The following TRABD2B variants were observed in gnomAD, a reference collection of about 807,000 sequenced individuals.
TRABD2B encodes TraB domain containing 2B, also known as metalloprotease TIKI2.
A neutral mutation model predicts 40.1 loss-of-function variants in TRABD2B; 14 were observed. The observed-to-expected ratio is 0.35, with a 90% confidence interval of 0.23 to 0.55. The LOEUF is 0.55. TRABD2B is among the 20% of genes least tolerant of loss of function. TRABD2B has a pLI of 0.90. For synonymous variants in TRABD2B, 263 were observed against 277.0 expected, an observed-to-expected ratio of 0.95 and a Z score of 0.50; for missense variants, 541 against 648.6, an observed-to-expected ratio of 0.83 and a Z score of 1.80.
intron 2 of TRABD2B, among the ~76,000 whole-genome samples, chr1:47,939,523 T>A (rs1178139446): frequency 6.6e-6 from 1 of 152,170 alleles, no homozygotes; most frequent in Non-Finnish European, 1.5e-5. Flanking sequence ...TCTGTCTGAG[T>A]TCTCTTTTAG....
Position 47,765,838 on chromosome 1 carries a change from C to T in TRABD2B, c.*64G>A, listed in dbSNP as rs1247521737. On this transcript the variant is annotated 3_prime_UTR_variant, in exon 7 of 7. Coordinates refer to ENST00000606738, the MANE Select transcript of TRABD2B (RefSeq NM_001194986.2). ...CACCCCCTGGAGGTGGTGGCAGGAG[C>T]AGTTGGGTGTGGCCGAAGACCCCTG... is the stretch of plus-strand genomic sequence containing the variant. 2.8e-6 allele frequency: 2 copies of T among 702,690 alleles called. No individual in the cohort carries two copies. Among genetic ancestry groups the T allele is most frequent in the Non-Finnish European group, 5.2e-6 (2 of 384,926 alleles). 43.5% of individuals were successfully genotyped at this position (702,690 alleles called of 1,614,324 possible). A position where few individuals can be genotyped will look rare whatever the true frequency, so the allele number is the denominator to read the frequency against.
intron 2 of TRABD2B, among the ~76,000 whole-genome samples, chr1:47,816,923 T>C (rs1372168786): frequency 6.6e-6 from 1 of 152,182 alleles, no homozygotes; most frequent in Non-Finnish European, 1.5e-5. Flanking sequence ...GGTGGATGAA[T>C]GAAAATAGTC....
Position 47,765,528 on chromosome 1 carries a change from G to A in TRABD2B, c.*374C>T. On this transcript the variant is annotated 3_prime_UTR_variant, in exon 7 of 7. Coordinates refer to ENST00000606738, the MANE Select transcript of TRABD2B (RefSeq NM_001194986.2). ...CCCAGGAGGCTTCGGTGATCCAAGA[G>A]CAAGCCAGTCCAGAGCCACAGTCCA... The A allele has an allele frequency of 4.7e-6, 1 of 211,816 alleles. No homozygotes were observed. The highest frequency in any genetic ancestry group is 7.5e-5 in the South Asian group (1 of 13,342). The allele number at this position is 211,816 out of a possible 1,614,324, so 13.1% of individuals were successfully genotyped here. A position where few individuals can be genotyped will look rare whatever the true frequency, so the allele number is the denominator to read the frequency against.
At chr1:47,777,800 C>T (rs1007762425) in intron 5 of TRABD2B, among the ~76,000 whole-genome samples, 4 of 152,162 alleles carry the variant, frequency 2.6e-5, no homozygotes, top group African/African-American at 7.2e-5. Flanking sequence ...GCCTGGCTCT[C>T]GCTGACACCT....
chr1:47,887,674 G>A (rs1221851932), intron 2 of TRABD2B, among the ~76,000 whole-genome samples: 2 of 152,212 alleles, frequency 1.3e-5, no homozygotes, highest in African/African-American at 4.8e-5. Flanking sequence ...AGTGCAAACA[G>A]TGTTGCTGCA....
chr1:47,897,947 C>T lies in TRABD2B; in HGVS notation c.666+96087G>A, dbSNP rs1003219765. On this transcript the variant is annotated intron_variant, in intron 2 of 6. Coordinates refer to ENST00000606738, the MANE Select transcript of TRABD2B (RefSeq NM_001194986.2). The stretch of plus-strand genomic sequence containing the variant: ...AGAAGTGTTAGCTATTTACCTGATA[C>T]AAGAAAAAAATAACTGGAAGTTACT... Among the ~76,000 whole-genome samples, 7 of 152,110 alleles carry T rather than the reference C, an allele frequency of 4.6e-5. No individual in the cohort carries two copies. The South Asian group carries it at 1.0e-3, about 23-fold the overall frequency.
chr1:47,828,591 C>A (rs755939068), intron 2 of TRABD2B, among the ~76,000 whole-genome samples: 25 of 152,172 alleles, frequency 1.6e-4, no homozygotes, highest in Non-Finnish European at 2.9e-4. Flanking sequence ...CAGAGCATGC[C>A]GAGGCCAGAG....
chr1:47,937,491 ATCAC>A (rs1645128821), intron 2 of TRABD2B, among the ~76,000 whole-genome samples: 1 of 152,182 alleles, frequency 6.6e-6, no homozygotes, highest in Non-Finnish European at 1.5e-5. Flanking sequence ...CACCATCATC[ATCAC>A]TATCATTGTC....
chr1:47,903,703 T>C (rs867594934), intron 2 of TRABD2B, among the ~76,000 whole-genome samples: 13 of 152,272 alleles, frequency 8.5e-5, no homozygotes, highest in Middle Eastern at 3.4e-3. Context: ...TGAACCCAGA[T>C]TGCAGGCAGG....
At chr1:47,879,016 AATC>A (rs1172671084) in intron 2 of TRABD2B, among the ~76,000 whole-genome samples, 1 of 151,864 alleles carries the variant, frequency 6.6e-6, no homozygotes, top group Non-Finnish European at 1.5e-5. Flanking sequence ...GAGGTGGGAC[AATC>A]ACCTGAGCCC....
Position 47,801,515 on chromosome 1 carries a change from G to A in TRABD2B, c.771C>T (p.Cys257=), listed in dbSNP as rs903093385. The change falls in exon 3 of 7, where the codon TGC becomes TGT. Residue 257 remains cysteine, a synonymous_variant. Coordinates refer to ENST00000606738, the MANE Select transcript of TRABD2B (RefSeq NM_001194986.2). ...TTEDLIKHYN[C]GDLSAVIFNH... ...TGAAGATGACTGCGCTGAGGTCTCC[G>A]CAGTTGTAGTGCTTGATGAGGTCCT... 17 of 1,535,962 alleles carry A rather than the reference G, an allele frequency of 1.1e-5. No homozygotes were observed. The highest frequency in any genetic ancestry group is 1.7e-4 in the Middle Eastern group (1 of 6,012).
At chr1:47,989,194 T>C (rs1257591406) in intron 2 of TRABD2B, among the ~76,000 whole-genome samples, 1 of 152,268 alleles carries the variant, frequency 6.6e-6, no homozygotes, top group African/African-American at 2.4e-5. Flanking sequence ...CTGTTGTTTA[T>C]AAATTACCCA....
intron 3 of TRABD2B, among the ~76,000 whole-genome samples, chr1:47,799,499 C>T (rs1404076903): frequency 3.3e-5 from 5 of 152,206 alleles, no homozygotes; most frequent in African/African-American, 1.2e-4. Flanking sequence ...CTCTATGCTG[C>T]TGCAAGGATG....
rs113981643 is a variant in TRABD2B, at chr1:47,934,478, T to C, written c.666+59556A>G. On this transcript the variant is annotated intron_variant, in intron 2 of 6. Coordinates refer to ENST00000606738, the MANE Select transcript of TRABD2B (RefSeq NM_001194986.2). Reference sequence around the variant, plus strand: ...GCTGAGTGTGGTGAGGCAGGAGGCCTTGGCTGCCAGCGGGAGGGGCAGGCG... The same window carrying C: ...GCTGAGTGTGGTGAGGCAGGAGGCCCTGGCTGCCAGCGGGAGGGGCAGGCG... Among the ~76,000 whole-genome samples, 796 of 152,358 alleles carry C rather than the reference T, an allele frequency of 5.2e-3. 5 individuals carry two copies. Among genetic ancestry groups the C allele is most frequent in the Non-Finnish European group, 7.4e-3 (502 of 68,024 alleles).
chr1:47,837,467 A>C (rs1352393440), intron 2 of TRABD2B, among the ~76,000 whole-genome samples: 2 of 151,652 alleles, frequency 1.3e-5, no homozygotes, highest in Non-Finnish European at 2.9e-5. Context: ...TCCATTTCCT[A>C]CTTCCCCATC....
chr1:47,980,393 G>T (rs2148441242), intron 2 of TRABD2B, among the ~76,000 whole-genome samples: 1 of 152,290 alleles, frequency 6.6e-6, no homozygotes, highest in South Asian at 2.1e-4. Context: ...TAGACAGCAA[G>T]AATACAGGCT....
At chr1:47,893,847 C>T (rs899311384) in intron 2 of TRABD2B, among the ~76,000 whole-genome samples, 2 of 152,054 alleles carry the variant, frequency 1.3e-5, no homozygotes, top group Admixed American at 6.6e-5. Flanking sequence ...TTGGACTCTG[C>T]GGGGGCCCAA....
chr1:47,778,325 G>A (rs895247421), intron 5 of TRABD2B, 129 bp downstream of exon 5: 3 of 698,412 alleles, frequency 4.3e-6, no homozygotes, highest in Admixed American at 2.3e-5. Flanking sequence ...CTCCAGCCCA[G>A]CCTTTCCATT....
In TRABD2B at chr1:47,994,314, T is replaced by C. The variant is rs757993011; in HGVS notation, c.386A>G (p.Lys129Arg). Reference protein sequence around the residue: ...WRLKRHLDYVKLMMPSWMTPA... With the variant: ...WRLKRHLDYVRLMMPSWMTPA... ...CGTCATCCAGGAGGGCATCATCAAC[T>C]TCACGTAGTCCAGGTGGCGCTTCAA... The change falls in exon 2 of 7, where the codon AAG becomes AGG. Residue 129 changes from lysine to arginine, a missense_variant. By Grantham distance (26) the Lys-to-Arg change is conservative. Transcript: ENST00000606738. This position sits in a 1 kb window ranked among gnomAD's most constrained non-coding sequence, Gnocchi z 6.7. 54 of 1,536,330 alleles carry C rather than the reference T, an allele frequency of 3.5e-5. No individual in the cohort carries two copies. Among genetic ancestry groups the C allele is most frequent in the Non-Finnish European group, 4.2e-5 (48 of 1,146,960 alleles).
Sources: allele counts gnomAD v4.1 joint callset (sites outside exome capture counted in the v4.1 genomes callset), GRCh38; gene constraint gnomAD v4.1.1; non-coding constraint Gnocchi (gnomAD v3.1); transcripts MANE v1.5; gene names NCBI Gene and HGNC (gene_info 2026-07-23, HGNC 2026-07-21).